The following PTK2B variants were observed in gnomAD, a reference collection of about 807,000 sequenced individuals.
PTK2B encodes the protein protein tyrosine kinase 2 beta.
Under a neutral mutation model 142.9 loss-of-function variants are expected in PTK2B, and 71 were observed. The observed-to-expected ratio is 0.50, with a 90% CI of 0.41 to 0.61. The LOEUF (loss-of-function observed/expected upper bound fraction) is 0.61. Among genes scored for constraint, PTK2B ranks in the 20% least tolerant of loss-of-function variants. The pLI, the probability that PTK2B is intolerant of heterozygous loss-of-function variation, is 0.00. For synonymous variants in PTK2B, 519 were observed against 503.4 expected (o/e 1.03, Z -0.42); for missense variants, 1,105 against 1,320.4 (o/e 0.84, Z 2.53).
Position 27,454,263 on chromosome 8 carries a change from C to T in PTK2B, c.2705C>T (p.Pro902Leu). 6.2e-7 allele frequency: 1 copy of T among 1,613,938 alleles called. No individual in the cohort carries two copies. Among genetic ancestry groups the T allele is most frequent in the African/African-American group, 1.3e-5 (1 of 75,024 alleles). ...LELKNELCQLPPEGYVVVVKN... is the reference protein window; with the variant it reads ...LELKNELCQLLPEGYVVVVKN... Reference sequence around the variant, plus strand: ...CTCAAGAATGAGCTCTGTCAGCTGCCCCCCGAGGGCTACGTGGTGGTGGTG... The same window carrying T: ...CTCAAGAATGAGCTCTGTCAGCTGCTCCCCGAGGGCTACGTGGTGGTGGTG... The change falls in exon 29 of 31, where the codon CCC (proline) becomes CTC (leucine). Residue 902 changes from proline to leucine, a missense_variant. By Grantham distance (98) the Pro-to-Leu change is moderately conservative. Coordinates refer to ENST00000346049, the MANE Select transcript of PTK2B (RefSeq NM_173176.3).
Position 27,458,973 on chromosome 8 carries a change from A to G in PTK2B, c.*464A>G. 3.1e-6 allele frequency: 1 copy of G among 318,130 alleles called. No homozygotes were observed. Among genetic ancestry groups the G allele is most frequent in the Non-Finnish European group, 5.9e-6 (1 of 168,788 alleles). 19.7% of individuals were successfully genotyped at this position (318,130 alleles called of 1,614,324 possible). A position where few individuals can be genotyped will look rare whatever the true frequency, so the allele number is the denominator to read the frequency against. ...TGTTTTGGGGGTCAGGCAGCCAGTG[A>G]GATGAGGGATGGGCCTGGCATTCTT... On this transcript the variant is annotated 3_prime_UTR_variant, in exon 31 of 31. Coordinates refer to ENST00000346049, the MANE Select transcript of PTK2B (RefSeq NM_173176.3).
intron 20 of PTK2B, among the ~76,000 whole-genome samples, chr8:27,439,747 C>T (rs1228020941): frequency 6.6e-6 from 1 of 152,130 alleles, no homozygotes; most frequent in East Asian, 1.9e-4. Context: ...AGAGAGACAG[C>T]CCCTTACGGA....
At chr8:27,379,170 G>A (rs1357850921) in intron 1 of PTK2B, among the ~76,000 whole-genome samples, 2 of 152,184 alleles carry the variant, frequency 1.3e-5, no homozygotes, top group Non-Finnish European at 2.9e-5. Context: ...TAGCCGAAGT[G>A]AGTCTTTAGA....
chr8:27,436,227 C>T (rs777912524), intron 14 of PTK2B, 24 bp from the exon 15 acceptor site: 51 of 1,609,684 alleles, frequency 3.2e-5, no homozygotes, highest in South Asian at 1.2e-4. Context: ...CTGTGATCTG[C>T]GACTGTTTTC....
At chr8:27,348,476 A>C (rs867115264) in intron 1 of PTK2B, among the ~76,000 whole-genome samples, 22 of 152,260 alleles carry the variant, frequency 1.4e-4, no homozygotes, top group African/African-American at 5.1e-4. Flanking sequence ...AGCCTTGTGC[A>C]TCATCTTGAT....
intron 4 of PTK2B, among the ~76,000 whole-genome samples, chr8:27,421,778 T>C (rs981706904): frequency 3.3e-5 from 5 of 152,216 alleles, no homozygotes; most frequent in Non-Finnish European, 7.3e-5. Flanking sequence ...ATTTTGAGCA[T>C]CTCAAACTTC....
At chr8:27,441,934 G>A (rs189704353) in intron 21 of PTK2B, among the ~76,000 whole-genome samples, 2 of 152,190 alleles carry the variant, frequency 1.3e-5, no homozygotes, top group African/African-American at 2.4e-5. Context: ...CAGAGGCATC[G>A]ACCAGGCCTC....
chr8:27,421,661 C>A (rs1029423484), intron 4 of PTK2B, among the ~76,000 whole-genome samples: 3 of 152,250 alleles, frequency 2.0e-5, no homozygotes, highest in Non-Finnish European at 4.4e-5. Flanking sequence ...TTGCCAATTT[C>A]TATGGTGTAA....
chr8:27,353,180 C>T (rs143279643), intron 1 of PTK2B, among the ~76,000 whole-genome samples: 77 of 152,280 alleles, frequency 5.1e-4, no homozygotes, highest in African/African-American at 1.8e-3. Flanking sequence ...GCGTCCACTA[C>T]AGAAGAGACC....
In PTK2B at chr8:27,437,533, A is replaced by G. The variant is rs1810862987; in HGVS notation, c.1527+37A>G. 2.0e-6 allele frequency: 3 copies of G among 1,505,308 alleles called. 1 individual carries two copies. The highest frequency in any genetic ancestry group is 3.5e-4 in the Middle Eastern group (2 of 5,678). 93.2% of individuals were successfully genotyped at this position (1,505,308 alleles called of 1,614,324 possible). On this transcript the variant is annotated intron_variant, in intron 17 of 30. Coordinates refer to ENST00000346049, the MANE Select transcript of PTK2B (RefSeq NM_173176.3). ...GACCCTGCGATGACAACTGGGCTGC[A>G]GCATGGGGGGCATTCAGAGCACAGC...
chr8:27,451,558 C>T, intron 27 of PTK2B, 49 bp downstream of exon 27: 1 of 1,613,360 alleles, frequency 6.2e-7, no homozygotes, highest in South Asian at 1.1e-5. Context: ...GCACCTTGTG[C>T]AGAGCCACCA....
At chr8:27,324,349 T>C (rs116242543), upstream of PTK2B, among the ~76,000 whole-genome samples, 1,272 of 152,322 alleles carry the variant, frequency 8.4e-3, 15 homozygotes, top group African/African-American at 0.029. Flanking sequence ...GCTCCAGCTG[T>C]CAAGGCTGGC....
At chr8:27,361,472 C>A (rs912294839) in intron 1 of PTK2B, among the ~76,000 whole-genome samples, 5 of 152,292 alleles carry the variant, frequency 3.3e-5, no homozygotes, top group African/African-American at 1.2e-4. Flanking sequence ...GATGCTCCCA[C>A]TTTAGCCTCC....
chr8:27,311,892 A>C (rs1432615367), intron 1 of PTK2B, among the ~76,000 whole-genome samples: 2 of 152,156 alleles, frequency 1.3e-5, no homozygotes, highest in Non-Finnish European at 2.9e-5. Flanking sequence ...TGAAAAAGTG[A>C]ACAGGTCATC....
chr8:27,334,697 A>G (rs937353618), intron 1 of PTK2B, among the ~76,000 whole-genome samples: 2 of 152,106 alleles, frequency 1.3e-5, no homozygotes, highest in African/African-American at 2.4e-5. Flanking sequence ...CTGCACACTC[A>G]TGCCTGGCTC....
At chr8:27,386,757 G>T (rs1358966514) in intron 1 of PTK2B, among the ~76,000 whole-genome samples, 3 of 152,162 alleles carry the variant, frequency 2.0e-5, no homozygotes, top group Admixed American at 1.3e-4. Context: ...AGACTAGGGG[G>T]TTGGCAGGTG....
chr8:27,370,568 G>A (rs745827875), intron 1 of PTK2B, among the ~76,000 whole-genome samples: 2 of 152,150 alleles, frequency 1.3e-5, no homozygotes, highest in Non-Finnish European at 2.9e-5. Flanking sequence ...TGTAAAATAT[G>A]CCTAACTCCA....
intron 24 of PTK2B, 130 bp downstream of exon 24, chr8:27,446,049 C>T: frequency 2.2e-6 from 3 of 1,362,730 alleles, no homozygotes; most frequent in East Asian, 2.5e-5. Context: ...CCAGTCAGGC[C>T]ACTGAGGTGG....
chr8:27,455,775 A>G (rs777828138), intron 30 of PTK2B, among the ~76,000 whole-genome samples: 3 of 152,234 alleles, frequency 2.0e-5, no homozygotes, highest in African/African-American at 7.2e-5. Context: ...CTATAAGACA[A>G]TAAATCTGTG....
Sources: allele counts gnomAD v4.1 joint callset (sites outside exome capture counted in the v4.1 genomes callset), GRCh38; gene constraint gnomAD v4.1.1; transcripts MANE v1.5; gene names NCBI Gene and HGNC (gene_info 2026-07-23, HGNC 2026-07-21).